The following PPARGC1A variants were observed in gnomAD, a reference collection of about 807,000 sequenced individuals.
PPARGC1A encodes the protein peroxisome proliferator-activated receptor gamma coactivator 1-alpha.
In PPARGC1A, 25 loss-of-function variants were observed where a neutral mutation model predicts 88.7. The ratio of observed to expected loss-of-function variants is 0.28; its 90% CI spans 0.21 to 0.39. The LOEUF (loss-of-function observed/expected upper bound fraction) is 0.39. Ranked by LOEUF, PPARGC1A falls within the 10% of genes least tolerant of loss-of-function variation. The probability of loss-of-function intolerance (pLI) is 1.00; values close to 1 mark genes in which losing one functional copy is unlikely to be tolerated. For synonymous variants in PPARGC1A, 363 were observed against 355.6 expected (o/e 1.02, Z -0.24); for missense variants, 880 against 968.7 (o/e 0.91, Z 1.22).
the PPARGC1A span, among the ~76,000 whole-genome samples, chr4:24,300,134 G>A: frequency 2.6e-5 from 4 of 151,536 alleles, no homozygotes; most frequent in South Asian, 4.5e-4. Context: ...TCCTGCCTTC[G>A]TTATCTACTC....
the PPARGC1A span, among the ~76,000 whole-genome samples, chr4:23,913,601 T>G: frequency 6.6e-6 from 1 of 152,170 alleles, no homozygotes; most frequent in Non-Finnish European, 1.5e-5. Context: ...AAATGAGACT[T>G]GGAGATATTT....
At chr4:23,843,270 G>A (rs954382402) in intron 2 of PPARGC1A, among the ~76,000 whole-genome samples, 1 of 151,908 alleles carries the variant, frequency 6.6e-6, no homozygotes, top group Non-Finnish European at 1.5e-5. Flanking sequence ...TTTTTTAAAG[G>A]CCGTATAATA....
At chr4:24,231,845 G>C in the PPARGC1A span, among the ~76,000 whole-genome samples, 2 of 151,966 alleles carry the variant, frequency 1.3e-5, no homozygotes, top group Non-Finnish European at 2.9e-5. Flanking sequence ...TTGAGGTAGA[G>C]AAACACAAAG....
chr4:24,422,225 G>A, the PPARGC1A span, among the ~76,000 whole-genome samples: 1 of 152,212 alleles, frequency 6.6e-6, no homozygotes, highest in Non-Finnish European at 1.5e-5. Flanking sequence ...AGTTGCAATA[G>A]AGACCATGTG....
chr4:24,374,603 A>C, the PPARGC1A span, among the ~76,000 whole-genome samples: 1 of 152,062 alleles, frequency 6.6e-6, no homozygotes, highest in Non-Finnish European at 1.5e-5. Flanking sequence ...ACATTTCTCT[A>C]AATGAGGTAT....
At chr4:23,799,402 C>T (rs949595159) in intron 12 of PPARGC1A, among the ~76,000 whole-genome samples, 1 of 152,216 alleles carries the variant, frequency 6.6e-6, no homozygotes, top group Admixed American at 6.5e-5. Context: ...ATTTAATCTT[C>T]ACAATAACAC....
the PPARGC1A span, among the ~76,000 whole-genome samples, chr4:24,307,862 T>C: frequency 0.44 from 66,129 of 151,964 alleles, 15,913 homozygotes; most frequent in African/African-American, 0.64. Context: ...CTCATAGCAG[T>C]GATATTCTTT....
chr4:24,403,992 G>T, the PPARGC1A span, among the ~76,000 whole-genome samples: 1 of 152,100 alleles, frequency 6.6e-6, no homozygotes, highest in Non-Finnish European at 1.5e-5. Flanking sequence ...GGCCAGGTGA[G>T]GTGGCTCACG....
chr4:24,453,832 C>T, the PPARGC1A span, among the ~76,000 whole-genome samples: 2 of 151,940 alleles, frequency 1.3e-5, no homozygotes, highest in African/African-American at 4.8e-5. Context: ...CCCTTCACCC[C>T]TCCTCCACCC....
chr4:24,268,238 G>C, the PPARGC1A span, among the ~76,000 whole-genome samples: 2 of 152,124 alleles, frequency 1.3e-5, no homozygotes, highest in African/African-American at 2.4e-5. Flanking sequence ...TAGCTGAAAG[G>C]GTGGGTTAAT....
the PPARGC1A span, among the ~76,000 whole-genome samples, chr4:24,269,897 A>G: frequency 1.3e-5 from 2 of 152,226 alleles, no homozygotes; most frequent in Non-Finnish European, 2.9e-5. Flanking sequence ...TAAAATGGAC[A>G]TAATAGAACT....
At chr4:24,143,074 T>A in the PPARGC1A span, among the ~76,000 whole-genome samples, 2 of 152,126 alleles carry the variant, frequency 1.3e-5, no homozygotes, top group Non-Finnish European at 2.9e-5. Flanking sequence ...CTATACCAAT[T>A]GAAAAACATG....
the PPARGC1A span, among the ~76,000 whole-genome samples, chr4:24,267,818 C>A: frequency 2.6e-5 from 4 of 152,042 alleles, no homozygotes; most frequent in South Asian, 2.1e-4. Flanking sequence ...AGCTAATCAA[C>A]GTGTCATTTT....
the PPARGC1A span, among the ~76,000 whole-genome samples, chr4:24,353,401 AGAC>A: frequency 6.6e-6 from 1 of 151,262 alleles, no homozygotes; most frequent in Non-Finnish European, 1.5e-5. Context: ...AAAAAAAAAA[AGAC>A]AGGGACAATG....
the PPARGC1A span, among the ~76,000 whole-genome samples, chr4:24,322,797 G>T: frequency 1.2e-4 from 19 of 152,168 alleles, no homozygotes; most frequent in Admixed American, 3.3e-4. Context: ...ACTAGCCCAC[G>T]ACTGCTTACT....
At chr4:24,236,813 T>C in the PPARGC1A span, among the ~76,000 whole-genome samples, 1 of 152,186 alleles carries the variant, frequency 6.6e-6, no homozygotes, top group Non-Finnish European at 1.5e-5. Context: ...GCTACTTATA[T>C]GTTCGAAAAT....
At chr4:23,845,064 AGGGGG>A (rs940769869) in intron 2 of PPARGC1A, among the ~76,000 whole-genome samples, 1 of 151,414 alleles carries the variant, frequency 6.6e-6, no homozygotes, top group Non-Finnish European at 1.5e-5. Flanking sequence ...TATAAGCAGG[AGGGGG>A]GTGATAGGCA....
chr4:23,950,416 A>T, the PPARGC1A span, among the ~76,000 whole-genome samples: 2 of 152,068 alleles, frequency 1.3e-5, no homozygotes, highest in Non-Finnish European at 1.5e-5. Context: ...GAAGACCAAA[A>T]CCTCATCAAA....
the PPARGC1A span, among the ~76,000 whole-genome samples, chr4:24,460,060 G>A: frequency 6.6e-6 from 1 of 152,256 alleles, no homozygotes; most frequent in East Asian, 1.9e-4. Flanking sequence ...AGACTCAATA[G>A]CCTGAAATGA....
Sources: gnomAD v4.1 joint callset for allele counts (sites outside exome capture counted in the v4.1 genomes callset) on GRCh38, gnomAD v4.1.1 for gene constraint, MANE v1.5 for transcripts, NCBI Gene and HGNC (gene_info 2026-07-23, HGNC 2026-07-21) for gene names.